The following GRIK2 variants were observed in gnomAD, a reference collection of about 807,000 sequenced individuals.
GRIK2 encodes the protein glutamate receptor ionotropic, kainate 2.
A neutral mutation model predicts 100.3 loss-of-function variants in GRIK2; 32 were observed. That is an observed-to-expected ratio of 0.32 (90% CI 0.24 to 0.43). GRIK2 has a LOEUF of 0.43. Ranked by LOEUF, GRIK2 falls within the 20% of genes least tolerant of loss-of-function variation. GRIK2 has a pLI of 1.00. For missense variants in GRIK2, 843 were observed against 1,114.9 expected (o/e 0.76, Z 3.47); for synonymous variants, 417 against 389.4 (o/e 1.07, Z -0.83).
chr6:101,513,222 G>A (rs371768079), intron 2 of GRIK2, among the ~76,000 whole-genome samples: 58 of 152,158 alleles, frequency 3.8e-4, no homozygotes, highest in African/African-American at 1.3e-3. Flanking sequence ...CAACTCAAAG[G>A]GGTGTGAGAG....
At chr6:101,553,277 A>T (rs570932011) in intron 2 of GRIK2, among the ~76,000 whole-genome samples, 1 of 152,202 alleles carries the variant, frequency 6.6e-6, no homozygotes, top group Non-Finnish European at 1.5e-5. Flanking sequence ...AGCATTCTCA[A>T]TTAAAAGGTT....
chr6:101,400,184 A>G (rs1775217526), intron 2 of GRIK2, among the ~76,000 whole-genome samples: 1 of 152,212 alleles, frequency 6.6e-6, no homozygotes, highest in African/African-American at 2.4e-5. Flanking sequence ...CTAAGTCTGC[A>G]TCTTTCACTT....
chr6:101,591,888 A>AT (rs1240483517), intron 2 of GRIK2, among the ~76,000 whole-genome samples: 1 of 151,996 alleles, frequency 6.6e-6, no homozygotes, highest in Non-Finnish European at 1.5e-5. Context: ...TCCCCTCTAA[A>AT]TCTCATGTTG....
intron 7 of GRIK2, among the ~76,000 whole-genome samples, chr6:101,734,783 A>G (rs892998062): frequency 4.6e-5 from 7 of 152,208 alleles, no homozygotes; most frequent in Non-Finnish European, 1.5e-5. Context: ...TAATCTGATT[A>G]CTATTATTAT....
chr6:101,797,286 G>C (rs1437050450), intron 7 of GRIK2, among the ~76,000 whole-genome samples: 1 of 147,754 alleles, frequency 6.8e-6, no homozygotes, highest in African/African-American at 2.5e-5. Flanking sequence ...TAATTCACAA[G>C]AGTTAAACAT....
chr6:101,756,375 C>CTACATTTATAATCTACATTTAGAAATGGT (rs1777135798), intron 7 of GRIK2, among the ~76,000 whole-genome samples: 1 of 127,918 alleles, frequency 7.8e-6, no homozygotes, highest in African/African-American at 3.2e-5. Context: ...AGTTTCTTAT[C>CTACATTTATAATCTACATTTAGAAATGGT]TACATTTATA....
At chr6:102,020,156 G>A (rs1769349213) in intron 14 of GRIK2, among the ~76,000 whole-genome samples, 1 of 151,862 alleles carries the variant, frequency 6.6e-6, no homozygotes, top group African/African-American at 2.4e-5. Context: ...TGATTGCTAA[G>A]AAAACTCTTA....
intron 10 of GRIK2, among the ~76,000 whole-genome samples, chr6:101,822,578 A>G (rs1782025239): frequency 6.6e-6 from 1 of 152,160 alleles, no homozygotes; most frequent in South Asian, 2.1e-4. Flanking sequence ...AAATGTATGA[A>G]TATGGTCCAC....
intron 2 of GRIK2, among the ~76,000 whole-genome samples, chr6:101,483,552 TGTTA>T (rs1289492143): frequency 2.0e-5 from 3 of 152,314 alleles, no homozygotes; most frequent in South Asian, 4.1e-4. Flanking sequence ...TATTTCCTTT[TGTTA>T]GTTTTTATTT....
At chr6:101,494,036 T>TATAC (rs2128268933) in intron 2 of GRIK2, among the ~76,000 whole-genome samples, 1 of 25,368 alleles carries the variant, frequency 3.9e-5, no homozygotes, top group South Asian at 3.5e-3. Flanking sequence ...ATATATAATT[T>TATAC]ATTATATAAA....
chr6:101,775,549 GAGATA>G (rs1490978260), intron 7 of GRIK2, among the ~76,000 whole-genome samples: 2 of 3,630 alleles, frequency 5.5e-4, no homozygotes, highest in Non-Finnish European at 3.2e-3. Flanking sequence ...ATATGTGTGT[GAGATA>G]TATATATACA....
chr6:102,047,279 A>C (rs981870483), intron 15 of GRIK2, among the ~76,000 whole-genome samples: 13 of 152,142 alleles, frequency 8.5e-5, no homozygotes, highest in African/African-American at 3.1e-4. Flanking sequence ...CTTTAAAAAA[A>C]TAAACAAAAT....
At chr6:101,442,550 G>GT (rs1237498900) in intron 2 of GRIK2, among the ~76,000 whole-genome samples, 3 of 152,120 alleles carry the variant, frequency 2.0e-5, no homozygotes, top group African/African-American at 7.2e-5. Context: ...GCAAACTTAA[G>GT]TTTTTTATTT....
intron 15 of GRIK2, among the ~76,000 whole-genome samples, chr6:102,042,160 C>T (rs1169076676): frequency 6.6e-6 from 1 of 151,580 alleles, no homozygotes; most frequent in African/African-American, 2.4e-5. Flanking sequence ...CTTTTAGTAA[C>T]AGAGCTCAAA....
At chr6:101,859,229 C>A in intron 10 of GRIK2, 58 bp from the exon 11 acceptor site, 1 of 863,234 alleles carries the variant, frequency 1.2e-6, no homozygotes, top group Non-Finnish European at 1.9e-6. Flanking sequence ...AGCAATAATT[C>A]TGATGATGAG....
chr6:101,858,122 C>A (rs1171448368), intron 10 of GRIK2, among the ~76,000 whole-genome samples: 1 of 152,180 alleles, frequency 6.6e-6, no homozygotes, highest in African/African-American at 2.4e-5. Flanking sequence ...TCTTATCTTA[C>A]CGAGTACCTT....
chr6:101,690,335 G>A (rs573161425), intron 7 of GRIK2, among the ~76,000 whole-genome samples: 1 of 151,976 alleles, frequency 6.6e-6, no homozygotes, highest in South Asian at 2.1e-4. Flanking sequence ...GTTTCTATAG[G>A]GATATTACTG....
intron 14 of GRIK2, among the ~76,000 whole-genome samples, chr6:101,966,707 CTG>C (rs1219203358): frequency 4.6e-5 from 7 of 152,024 alleles, no homozygotes; most frequent in African/African-American, 1.7e-4. Context: ...TTGCTCTGAG[CTG>C]TGTCCTGAGA....
chr6:101,902,930 T>A lies in GRIK2; in HGVS notation c.1748+13067T>A, dbSNP rs544058512. Among the ~76,000 whole-genome samples the A allele has an allele frequency of 3.9e-4, 59 of 152,002 alleles. 1 individual carries two copies. In the South Asian group the frequency reaches 0.012, roughly 30 times the overall value. On this transcript the variant is annotated intron_variant, in intron 12 of 16. Coordinates refer to ENST00000369134, the MANE Select transcript of GRIK2 (RefSeq NM_021956.5). The stretch of plus-strand genomic sequence containing the variant: ...TAATAGGGGATGATTGTGTTCATAG[T>A]CTCAAATTAGACAAAATTGAAACAG...
Sources: allele counts gnomAD v4.1 joint callset (sites outside exome capture counted in the v4.1 genomes callset), GRCh38; gene constraint gnomAD v4.1.1; transcripts MANE v1.5; gene names NCBI Gene and HGNC (gene_info 2026-07-23, HGNC 2026-07-21).